CALN1: variants seen among roughly 807,000 people sequenced by gnomAD.
CALN1 encodes calcium-binding protein 8.
CALN1 carries 17 observed loss-of-function variants against 30.6 expected under a neutral mutation model. The observed-to-expected ratio is 0.56, with a 90% CI of 0.38 to 0.83. CALN1 has a LOEUF of 0.83. Ranked by LOEUF, CALN1 falls within the 40% of genes least tolerant of loss-of-function variation. CALN1 has a pLI of 0.00. For synonymous variants in CALN1, 156 were observed against 131.4 expected (o/e 1.19, Z -1.28); for missense variants, 291 against 354.9 (o/e 0.82, Z 1.45).
At chr7:71,807,131 G>A (rs1787671044) in intron 6 of CALN1, among the ~76,000 whole-genome samples, 1 of 152,200 alleles carries the variant, frequency 6.6e-6, no homozygotes. Flanking sequence ...GGGAGGAGGA[G>A]AGGGAGATTT....
At chr7:71,929,859 T>C (rs1795456758) in intron 5 of CALN1, among the ~76,000 whole-genome samples, 1 of 152,212 alleles carries the variant, frequency 6.6e-6, no homozygotes, top group Non-Finnish European at 1.5e-5. Context: ...CAGCAATGGA[T>C]GAGGGTTCCA....
intron 2 of CALN1, among the ~76,000 whole-genome samples, chr7:72,389,632 C>T (rs966101207): frequency 2.0e-5 from 3 of 152,090 alleles, no homozygotes; most frequent in African/African-American, 7.2e-5. Flanking sequence ...CAATCAAATA[C>T]CAAGGGGCTG....
intron 5 of CALN1, among the ~76,000 whole-genome samples, chr7:71,883,100 T>A (rs1399576742): frequency 6.6e-6 from 1 of 151,006 alleles, no homozygotes; most frequent in East Asian, 2.1e-4. Flanking sequence ...TGAAATACTA[T>A]GAGGATAGTG....
At chr7:72,033,270 G>A (rs1046843077) in intron 4 of CALN1, among the ~76,000 whole-genome samples, 5 of 152,138 alleles carry the variant, frequency 3.3e-5, no homozygotes, top group African/African-American at 9.7e-5. Flanking sequence ...TCATAAGGAG[G>A]TAAAATAATC....
intron 5 of CALN1, among the ~76,000 whole-genome samples, chr7:71,919,661 G>A (rs2117045809): frequency 6.6e-6 from 1 of 152,272 alleles, no homozygotes; most frequent in East Asian, 1.9e-4. Context: ...GTTAGTAAAA[G>A]AAGAACAAAA....
intron 2 of CALN1, among the ~76,000 whole-genome samples, chr7:72,387,414 C>T (rs1805298151): frequency 6.6e-6 from 1 of 152,134 alleles, no homozygotes; most frequent in Non-Finnish European, 1.5e-5. Flanking sequence ...CAGTGACTTT[C>T]TCCCAAAGGA....
the CALN1 span, among the ~76,000 whole-genome samples, chr7:72,500,288 TTTTTTTTTTTTTG>T: frequency 8.8e-6 from 1 of 114,000 alleles, no homozygotes; most frequent in African/African-American, 3.4e-5. Flanking sequence ...TTTTTTTTTT[TTTTTTTTTTTTTG>T]AGACAGTCTC....
intron 3 of CALN1, among the ~76,000 whole-genome samples, chr7:72,144,282 T>A (rs1237133390): frequency 6.6e-6 from 1 of 152,006 alleles, no homozygotes; most frequent in African/African-American, 2.4e-5. Flanking sequence ...TGGAGGAAGA[T>A]CTACCAAGCA....
chr7:72,022,483 C>T (rs1800759554), intron 5 of CALN1, among the ~76,000 whole-genome samples: 1 of 152,228 alleles, frequency 6.6e-6, no homozygotes, highest in Non-Finnish European at 1.5e-5. Context: ...GCTTTGAACT[C>T]CTGGGCTCAA....
chr7:72,422,031 G>C (rs562779272), intron 1 of CALN1, among the ~76,000 whole-genome samples: 4 of 151,994 alleles, frequency 2.6e-5, no homozygotes, highest in African/African-American at 9.7e-5. Context: ...CTTGTGGATC[G>C]ACCCGCACTT....
At chr7:72,443,666 G>A (rs7809631) in intron 1 of CALN1, among the ~76,000 whole-genome samples, 5 of 151,194 alleles carry the variant, frequency 3.3e-5, no homozygotes, top group Admixed American at 2.6e-4. Context: ...CATCCTCCCA[G>A]GATCCACTAG....
At chr7:72,094,037 G>C (rs776202260) in intron 4 of CALN1, among the ~76,000 whole-genome samples, 1 of 152,100 alleles carries the variant, frequency 6.6e-6, no homozygotes, top group Non-Finnish European at 1.5e-5. Flanking sequence ...CCTTGATAGG[G>C]GATGCCTATT....
At chr7:72,005,727 A>T (rs1799737811) in intron 5 of CALN1, among the ~76,000 whole-genome samples, 1 of 151,178 alleles carries the variant, frequency 6.6e-6, no homozygotes, top group South Asian at 2.1e-4. Flanking sequence ...ATGTGACTCC[A>T]TTTATATACA....
At chr7:72,138,034 T>C (rs1809629370) in intron 3 of CALN1, among the ~76,000 whole-genome samples, 1 of 152,162 alleles carries the variant, frequency 6.6e-6, no homozygotes, top group Non-Finnish European at 1.5e-5. Context: ...AAAATGAAAA[T>C]AGACTATGGG....
At chr7:72,160,279 T>C (rs1403238994) in intron 3 of CALN1, among the ~76,000 whole-genome samples, 3 of 93,006 alleles carry the variant, frequency 3.2e-5, no homozygotes, top group Admixed American at 1.3e-4. Context: ...ATTTTCTTTT[T>C]AGTTTTTTTT....
intron 4 of CALN1, among the ~76,000 whole-genome samples, chr7:72,055,370 A>G (rs1212998085): frequency 4.6e-5 from 7 of 152,344 alleles, no homozygotes; most frequent in East Asian, 3.9e-4. Flanking sequence ...GCAAATAAAG[A>G]CATAAATAGC....
intron 2 of CALN1, among the ~76,000 whole-genome samples, chr7:72,365,381 T>C (rs1399039969): frequency 2.6e-5 from 4 of 152,116 alleles, no homozygotes; most frequent in African/African-American, 7.2e-5. Flanking sequence ...ACAGAACTTA[T>C]AAATCAGTGG....
chr7:71,995,399 G>C (rs572394582), intron 5 of CALN1, among the ~76,000 whole-genome samples: 1 of 152,270 alleles, frequency 6.6e-6, no homozygotes, highest in Non-Finnish European at 1.5e-5. Flanking sequence ...AATTATTTTG[G>C]GGCTGCTTTT....
chr7:72,255,475 CAT>C (rs1795850430), intron 3 of CALN1, among the ~76,000 whole-genome samples: 7 of 151,404 alleles, frequency 4.6e-5, no homozygotes, highest in South Asian at 2.1e-4. Context: ...AGTGCAGTGG[CAT>C]GATCTCGGCT....
Sources: gnomAD v4.1 joint callset for allele counts (sites outside exome capture counted in the v4.1 genomes callset) on GRCh38, gnomAD v4.1.1 for gene constraint, MANE v1.5 for transcripts, NCBI Gene and HGNC (gene_info 2026-07-23, HGNC 2026-07-21) for gene names.